ASIC5: variants seen among roughly 807,000 people sequenced by gnomAD.
ASIC5 encodes the protein acid sensing ion channel subunit family member 5, also known as bile acid-sensitive ion channel.
Under a neutral mutation model 51.2 loss-of-function variants are expected in ASIC5, and 52 were observed. The observed-to-expected ratio is 1.02, with a 90% confidence interval of 0.81 to 1.28. The LOEUF is 1.28. ASIC5 is among the 50% of genes most tolerant of loss of function. The probability of loss-of-function intolerance (pLI) is 0.00; values close to 1 mark genes in which losing one functional copy is unlikely to be tolerated. For missense variants in ASIC5, 635 were observed against 595.0 expected, an observed-to-expected ratio of 1.07 and a Z score of -0.70; for synonymous variants, 231 against 200.7, an observed-to-expected ratio of 1.15 and a Z score of -1.28.
At chr4:155,847,894 G>A (rs1383989538) in intron 4 of ASIC5, among the ~76,000 whole-genome samples, 2 of 151,926 alleles carry the variant, frequency 1.3e-5, no homozygotes, top group Admixed American at 6.6e-5. Context: ...AATTAATCAC[G>A]ACTGTCAAAG....
At chr4:155,856,350 AATCCTTTCTCAG>A (rs1175828080) in intron 2 of ASIC5, among the ~76,000 whole-genome samples, 2 of 152,090 alleles carry the variant, frequency 1.3e-5, no homozygotes, top group Non-Finnish European at 2.9e-5. Context: ...AGCCATATTA[AATCCTTTCTCAG>A]TCAAGGTAGG....
At chr4:155,848,108 G>C (rs56151920) in intron 4 of ASIC5, among the ~76,000 whole-genome samples, 10,946 of 151,786 alleles carry the variant, frequency 0.072, 1,026 homozygotes, top group African/African-American at 0.22. Flanking sequence ...TTTTATTAGG[G>C]CTTCTTATTT....
At chr4:155,832,692 T>G (rs1044225979) in intron 8 of ASIC5, among the ~76,000 whole-genome samples, 5 of 152,136 alleles carry the variant, frequency 3.3e-5, no homozygotes, top group African/African-American at 1.2e-4. Flanking sequence ...ACATTTCCCT[T>G]ATTTATAGTG....
intron 4 of ASIC5, among the ~76,000 whole-genome samples, chr4:155,847,513 G>C: frequency 6.6e-6 from 1 of 151,998 alleles, no homozygotes; most frequent in Admixed American, 6.6e-5. Flanking sequence ...CTGAGGTCAG[G>C]AGTTCCAGAC....
chr4:155,849,014 G>C (rs894571787), intron 4 of ASIC5, among the ~76,000 whole-genome samples: 2 of 151,980 alleles, frequency 1.3e-5, no homozygotes, highest in African/African-American at 4.8e-5. Flanking sequence ...CTTAACTTGT[G>C]GCAATACAGT....
chr4:155,854,065 G>T lies in ASIC5; in HGVS notation c.585+12C>A. 3.8e-6 allele frequency: 6 copies of T among 1,573,206 alleles called. No homozygotes were observed. Among genetic ancestry groups the T allele is most frequent in the Non-Finnish European group, 5.2e-6 (6 of 1,146,378 alleles). On this transcript the variant is annotated intron_variant, in intron 3 of 9. Coordinates refer to ENST00000537611, the MANE Select transcript of ASIC5 (RefSeq NM_017419.3). Reference sequence around the variant, plus strand: ...TTACTTTGATTATATTTGAAGAATAGAAAATCGTTACCTTTGGGCTACATG... The same window carrying T: ...TTACTTTGATTATATTTGAAGAATATAAAATCGTTACCTTTGGGCTACATG...
chr4:155,848,791 GA>G (rs1741314263), intron 4 of ASIC5, among the ~76,000 whole-genome samples: 1 of 152,068 alleles, frequency 6.6e-6, no homozygotes, highest in Non-Finnish European at 1.5e-5. Flanking sequence ...AAATGTTCAT[GA>G]GTATTAAACA....
At chr4:155,850,672 A>G (rs1371700127) in intron 4 of ASIC5, among the ~76,000 whole-genome samples, 1 of 151,966 alleles carries the variant, frequency 6.6e-6, no homozygotes, top group Non-Finnish European at 1.5e-5. Flanking sequence ...GTTGCCTTTT[A>G]GTTGCTTCCC....
chr4:155,835,283 C>G (rs116224846), intron 8 of ASIC5, among the ~76,000 whole-genome samples: 1 of 152,146 alleles, frequency 6.6e-6, no homozygotes, highest in Non-Finnish European at 1.5e-5. Context: ...GGCCTCTGCA[C>G]CTGCCCGTCT....
At chr4:155,853,966 C>A in intron 3 of ASIC5, 111 bp downstream of exon 3, 1 of 801,774 alleles carries the variant, frequency 1.2e-6, no homozygotes, top group Non-Finnish European at 2.0e-6. Context: ...AATCTGTAAG[C>A]AAATTTGGAT....
intron 6 of ASIC5, among the ~76,000 whole-genome samples, chr4:155,841,811 C>A (rs547257994): frequency 1.3e-5 from 2 of 151,962 alleles, no homozygotes; most frequent in Non-Finnish European, 2.9e-5. Flanking sequence ...GAAATCTCTG[C>A]GATGATTTTA....
At chr4:155,840,999 A>G (rs1023899181) in intron 6 of ASIC5, among the ~76,000 whole-genome samples, 1 of 151,954 alleles carries the variant, frequency 6.6e-6, no homozygotes, top group Non-Finnish European at 1.5e-5. Flanking sequence ...TGATCTCACC[A>G]ATCAGAACCC....
At chr4:155,842,112 G>A in intron 6 of ASIC5, 95 bp downstream of exon 6, 1 of 1,170,898 alleles carries the variant, frequency 8.5e-7, no homozygotes, top group Non-Finnish European at 1.2e-6. Flanking sequence ...TATTCCATTT[G>A]TATTTCAATA....
chr4:155,841,350 GA>G (rs1471887451), intron 6 of ASIC5, among the ~76,000 whole-genome samples: 1 of 152,100 alleles, frequency 6.6e-6, no homozygotes, highest in African/African-American at 2.4e-5. Flanking sequence ...GGCACTATTT[GA>G]ACCACTTACA....
intron 4 of ASIC5, among the ~76,000 whole-genome samples, chr4:155,845,057 C>A (rs1433687159): frequency 1.3e-5 from 2 of 151,524 alleles, no homozygotes; most frequent in Non-Finnish European, 2.9e-5. Context: ...CTATGGGGAA[C>A]AAGGCCTCTG....
Position 155,852,308 on chromosome 4 carries a change from T to C in ASIC5, c.594A>G (p.Ala198=). Residue 198 remains alanine, a synonymous_variant, in exon 4 of 10, where the codon GCA becomes GCG. Coordinates refer to ENST00000537611, the MANE Select transcript of ASIC5 (RefSeq NM_017419.3). ...AATTTCCATATTCAGTGAAGACATG[T>C]GCAAAATCCTCCAATATGTAAATGA... ...FGKPCSPKDF[A]HVFTEYGNCF... 1.3e-6 allele frequency: 2 copies of C among 1,585,914 alleles called. No individual in the cohort carries two copies. The highest frequency in any genetic ancestry group is 1.7e-6 in the Non-Finnish European group (2 of 1,171,150).
At chr4:155,865,338 T>A (rs982165472) in intron 1 of ASIC5, among the ~76,000 whole-genome samples, 3 of 152,072 alleles carry the variant, frequency 2.0e-5, no homozygotes, top group Admixed American at 6.6e-5. Flanking sequence ...AAGAAAAAAG[T>A]TATTGTTACT....
At chr4:155,862,690 G>T (rs1271019601) in intron 2 of ASIC5, among the ~76,000 whole-genome samples, 1 of 152,142 alleles carries the variant, frequency 6.6e-6, no homozygotes, top group Non-Finnish European at 1.5e-5. Flanking sequence ...TGAATCAAGT[G>T]TAACCCTTTT....
intron 7 of ASIC5, among the ~76,000 whole-genome samples, chr4:155,838,153 C>A (rs1395491326): frequency 6.6e-6 from 1 of 152,076 alleles, no homozygotes; most frequent in African/African-American, 2.4e-5. Flanking sequence ...GTTAGAAAAG[C>A]AAGTTGCATA....
Sources: gnomAD v4.1 joint callset for allele counts (sites outside exome capture counted in the v4.1 genomes callset) on GRCh38, gnomAD v4.1.1 for gene constraint, MANE v1.5 for transcripts, NCBI Gene and HGNC (gene_info 2026-07-23, HGNC 2026-07-21) for gene names.